Variants in GOSR2 observed in about 807,000 individuals in gnomAD.
GOSR2 encodes the protein 27 kDa Golgi SNARE protein.
Under a neutral mutation model 27.9 loss-of-function variants are expected in GOSR2, and 20 were observed. The ratio of observed to expected loss-of-function variants is 0.72; its 90% CI spans 0.50 to 1.04. The LOEUF is 1.04. GOSR2 is among the 50% of genes least tolerant of loss of function. The pLI, the probability that GOSR2 is intolerant of heterozygous loss-of-function variation, is 0.00. For missense variants in GOSR2, 261 were observed against 270.5 expected, an observed-to-expected ratio of 0.97 and a Z score of 0.25; for synonymous variants, 91 against 98.8, an observed-to-expected ratio of 0.92 and a Z score of 0.47.
At chr17:46,970,998 A>G (rs1274916627), downstream of GOSR2, among the ~76,000 whole-genome samples, 1 of 152,230 alleles carries the variant, frequency 6.6e-6, no homozygotes, top group Non-Finnish European at 1.5e-5. Context: ...GAATGTGGCT[A>G]CTGTTTGCCA....
downstream of GOSR2, among the ~76,000 whole-genome samples, chr17:46,946,400 G>T (rs186534860): frequency 1.3e-5 from 2 of 149,474 alleles, no homozygotes; most frequent in Non-Finnish European, 3.0e-5. Context: ...GGCGGAGGTT[G>T]CAGTGAGCCG....
intron 6 of GOSR2, among the ~76,000 whole-genome samples, chr17:46,947,477 G>A (rs1303592446): frequency 6.6e-6 from 1 of 152,196 alleles, no homozygotes; most frequent in Non-Finnish European, 1.5e-5. Context: ...AGATACTGAT[G>A]AGAGCTGGAG....
At chr17:46,966,558 A>C (rs1033139456) in exon 7 of GOSR2, 1 of 696,800 alleles carries the variant, frequency 1.4e-6, no homozygotes, top group African/African-American at 1.8e-5. Context: ...CATGTTGCCC[A>C]GAATGGACCC....
intron 6 of GOSR2, among the ~76,000 whole-genome samples, chr17:46,963,429 C>T (rs542195693): frequency 1.3e-5 from 2 of 152,008 alleles, no homozygotes; most frequent in East Asian, 3.9e-4. Flanking sequence ...TCTGTAATCC[C>T]AGCTACTTGG....
chr17:46,934,930 C>T lies in GOSR2; in HGVS notation c.337-99C>T, dbSNP rs542483245. ...CCGCTGATTCTTTCACCAGCCCCTC[C>T]GGCTGTTCTGGCTTGGCCTTGGCCA... is the stretch of plus-strand genomic sequence containing the variant. On this transcript the variant is annotated intron_variant, in intron 4 of 5. Coordinates refer to ENST00000640051, the MANE Select transcript of GOSR2 (RefSeq NM_004287.5). 115 of 1,043,462 alleles carry T rather than the reference C, an allele frequency of 1.1e-4. 3 individuals are homozygous for T. Among genetic ancestry groups the T allele is most frequent in the South Asian group, 1.1e-3 (86 of 78,808 alleles). 64.6% of individuals were successfully genotyped at this position (1,043,462 alleles called of 1,614,324 possible). A position where few individuals can be genotyped will look rare whatever the true frequency, so the allele number is the denominator to read the frequency against.
At chr17:46,932,618 C>T in intron 4 of GOSR2, 2 of 347,630 alleles carry the variant, frequency 5.8e-6, no homozygotes, top group Non-Finnish European at 1.0e-5. Context: ...GCTCCAGTGT[C>T]AGGTGCATTA....
At position 46,940,770 on chromosome 17, in the gene GOSR2, G is replaced by A; in HGVS notation, c.*2010G>A. 1 of 1,527,562 alleles carries A rather than the reference G, an allele frequency of 6.5e-7. No homozygotes were observed. Among genetic ancestry groups the A allele is most frequent in the Non-Finnish European group, 8.8e-7 (1 of 1,139,548 alleles). The allele number at this position is 1,527,562 out of a possible 1,614,324, so 94.6% of individuals were successfully genotyped here. ...CTGCACCTTCAGAGCCAGTCCTCTA[G>A]TTTGGAATAAAAATTGCAGAGGTGG... On this transcript the variant is annotated 3_prime_UTR_variant, in exon 6 of 6. Transcript: ENST00000640051.
chr17:46,966,802 G>A (rs78805244), exon 7 of GOSR2: 4,423 of 427,080 alleles, frequency 0.01, 137 homozygotes, highest in African/African-American at 0.071. Flanking sequence ...TGATGTGGCC[G>A]ATGAGAAAAA....
chr17:46,959,635 C>T (rs937856286), intron 6 of GOSR2, among the ~76,000 whole-genome samples: 1 of 152,148 alleles, frequency 6.6e-6, no homozygotes, highest in Non-Finnish European at 1.5e-5. Flanking sequence ...CTTTTCATAC[C>T]AACTCCCATG....
chr17:46,939,509 G>C lies in GOSR2; in HGVS notation c.*749G>C. ...GAGTGGTTGGCTTTTAAGGTTCAGA[G>C]ACTGTGGCTTGGCACCTGCGCCCAG... On this transcript the variant is annotated 3_prime_UTR_variant, in exon 6 of 6. Transcript: ENST00000640051. The C allele has an allele frequency of 1.0e-6, 1 of 985,982 alleles. No individual in the cohort carries two copies. 61.1% of individuals were successfully genotyped at this position (985,982 alleles called of 1,614,324 possible). A position where few individuals can be genotyped will look rare whatever the true frequency, so the allele number is the denominator to read the frequency against.
intron 6 of GOSR2, among the ~76,000 whole-genome samples, chr17:46,959,951 A>C (rs553564798): frequency 1.2e-4 from 19 of 152,332 alleles, no homozygotes; most frequent in Non-Finnish European, 2.2e-4. Flanking sequence ...CATGGAGTGG[A>C]CTTTGGAGTG....
intron 6 of GOSR2, among the ~76,000 whole-genome samples, chr17:46,963,510 C>T (rs935459665): frequency 2.3e-4 from 34 of 149,832 alleles, no homozygotes; most frequent in Non-Finnish European, 4.0e-4. Flanking sequence ...ACACCACGCA[C>T]TCCAGCCTGG....
Position 46,940,251 on chromosome 17 carries a change from T to A in GOSR2, c.*1491T>A. ...GTTTCCTGGATGCTAATTTCACACTTTCGGTTGGAGGAGATCTCCATTGTT... is the reference window on the plus strand; with the variant it reads ...GTTTCCTGGATGCTAATTTCACACTATCGGTTGGAGGAGATCTCCATTGTT... On this transcript the variant is annotated 3_prime_UTR_variant, in exon 6 of 6. Transcript: ENST00000640051. 1 of 1,422,890 alleles carries A rather than the reference T, an allele frequency of 7.0e-7. No individual in the cohort carries two copies. Among genetic ancestry groups the A allele is most frequent in the South Asian group, 1.6e-5 (1 of 64,000 alleles). 88.1% of individuals were successfully genotyped at this position (1,422,890 alleles called of 1,614,324 possible). A position where few individuals can be genotyped will look rare whatever the true frequency, so the allele number is the denominator to read the frequency against.
chr17:46,923,224 G>A lies in GOSR2; in HGVS notation c.29+3G>A, dbSNP rs794726915. On this transcript the variant is annotated splice_donor_region_variant and intron_variant, in intron 1 of 5. Coordinates refer to ENST00000640051, the MANE Select transcript of GOSR2 (RefSeq NM_004287.5). ...CCCCTGTTCCAGCAAACGCACAAGT[G>A]AGGGCCGGTCGGGGAGCGGGCAGGG... is the stretch of plus-strand genomic sequence containing the variant. The A allele has an allele frequency of 3.2e-6, 5 of 1,551,052 alleles. No homozygotes were observed. The highest frequency in any genetic ancestry group is 4.4e-6 in the Non-Finnish European group (5 of 1,146,486).
At chr17:46,923,476 G>A in intron 1 of GOSR2, 1 of 1,392,174 alleles carries the variant, frequency 7.2e-7, no homozygotes, top group Non-Finnish European at 9.3e-7. Context: ...TACCTGCTGG[G>A]TAGACTGGGT....
At chr17:46,959,717 C>G (rs1347351043) in intron 6 of GOSR2, among the ~76,000 whole-genome samples, 2 of 152,132 alleles carry the variant, frequency 1.3e-5, no homozygotes, top group African/African-American at 4.8e-5. Flanking sequence ...CATTTTTTTC[C>G]TATTCTGGGC....
Position 46,938,949 on chromosome 17 carries a change from A to G in GOSR2, c.*189A>G. The G allele has an allele frequency of 6.7e-7, 1 of 1,489,562 alleles. No individual in the cohort carries two copies. The highest frequency in any genetic ancestry group is 2.0e-5 in the Admixed American group (1 of 49,238). The allele number at this position is 1,489,562 out of a possible 1,614,324, so 92.3% of individuals were successfully genotyped here. On this transcript the variant is annotated 3_prime_UTR_variant, in exon 6 of 6. Transcript: ENST00000640051. Reference sequence around the variant, plus strand: ...TCTGTGACATCTTGGAGGGGGAGCTAGTGCCACCACCATGCGCGGTGCTTA... The same window carrying G: ...TCTGTGACATCTTGGAGGGGGAGCTGGTGCCACCACCATGCGCGGTGCTTA...
rs1362307244 is a variant in GOSR2 at position 46,935,788 on chromosome 17, T to C, written c.477+619T>C. The C allele has an allele frequency of 5.1e-6, 5 of 986,350 alleles. No individual in the cohort carries two copies. In the African/African-American group the frequency reaches 8.8e-5, roughly 17 times the overall value. The allele number at this position is 986,350 out of a possible 1,614,324, so 61.1% of individuals were successfully genotyped here. On this transcript the variant is annotated intron_variant, in intron 5 of 5. Transcript: ENST00000640051. Reference sequence around the variant, plus strand: ...CTGCTGAGACTCCAGCCCCTGGGAGTGGTTTACAGAAACATTACACAGACT... The same window carrying C: ...CTGCTGAGACTCCAGCCCCTGGGAGCGGTTTACAGAAACATTACACAGACT...
exon 7 of GOSR2, chr17:46,966,890 AC>A (rs2091338656): frequency 2.5e-6 from 1 of 401,234 alleles, no homozygotes; most frequent in Non-Finnish European, 4.4e-6. Context: ...GCTAATTAGC[AC>A]CTTAAAGGGA....
Sources: allele counts gnomAD v4.1 joint callset (sites outside exome capture counted in the v4.1 genomes callset), GRCh38; gene constraint gnomAD v4.1.1; transcripts MANE v1.5; gene names NCBI Gene and HGNC (gene_info 2026-07-23, HGNC 2026-07-21).